Variants in EXPH5 observed in about 807,000 individuals in gnomAD.
EXPH5 encodes exophilin 5.
Under a neutral mutation model 41.1 loss-of-function variants are expected in EXPH5, and 42 were observed. The ratio of observed to expected loss-of-function variants is 1.02; its 90% CI spans 0.80 to 1.32. EXPH5 has a LOEUF of 1.32. Among genes scored for constraint, EXPH5 ranks in the 40% most tolerant of loss-of-function variants. EXPH5 has a pLI of 0.00. For missense variants in EXPH5, 2,298 were observed against 2,314.5 expected (o/e 0.99, Z 0.15); for synonymous variants, 798 against 833.5 (o/e 0.96, Z 0.73).
chr11:108,523,443 G>C (rs1376203475), intron 4 of EXPH5, among the ~76,000 whole-genome samples: 1 of 152,012 alleles, frequency 6.6e-6, no homozygotes, highest in Non-Finnish European at 1.5e-5. Flanking sequence ...TTTCACTAAT[G>C]TACATATCTT....
rs184717575 is a variant in EXPH5, at chr11:108,506,365, C to G, written c.*3172G>C. 3.7e-4 allele frequency: 56 copies of G among 152,176 alleles called. No homozygotes were observed. The highest frequency in any genetic ancestry group is 1.3e-3 in the African/African-American group (55 of 41,518). The allele number at this position is 152,176 out of a possible 1,614,324, so 9.4% of individuals were successfully genotyped here. On this transcript the variant is annotated 3_prime_UTR_variant, in exon 6 of 6. Transcript: ENST00000265843. ...TGTTTTCCTGATACTTCAGCCAGAC[C>G]AACATGCAAACGTTACAAATAGAGC...
intron 5 of EXPH5, among the ~76,000 whole-genome samples, chr11:108,517,288 A>T (rs942038651): frequency 6.6e-6 from 1 of 152,166 alleles, no homozygotes; most frequent in Non-Finnish European, 1.5e-5. Context: ...TTTTCATTCC[A>T]TAAACAGTAG....
intron 1 of EXPH5, among the ~76,000 whole-genome samples, chr11:108,585,577 C>A (rs926572438): frequency 2.0e-5 from 3 of 152,210 alleles, no homozygotes; most frequent in African/African-American, 7.2e-5. Flanking sequence ...CAATAGATTT[C>A]TGCTCTTTAT....
In EXPH5 at chr11:108,506,264, G is replaced by A. The variant is rs1394760569; in HGVS notation, c.*3273C>T. 1 of 152,104 alleles carries A rather than the reference G, an allele frequency of 6.6e-6. No homozygotes were observed. Among genetic ancestry groups the A allele is most frequent in the African/African-American group, 2.4e-5 (1 of 41,436 alleles). 9.4% of individuals were successfully genotyped at this position (152,104 alleles called of 1,614,324 possible). A position where few individuals can be genotyped will look rare whatever the true frequency, so the allele number is the denominator to read the frequency against. ...AGCGACTTGTATGTTAAAATACATAGAAATTTGCTATACTTCTTTAACAAG... is the reference window on the plus strand; with the variant it reads ...AGCGACTTGTATGTTAAAATACATAAAAATTTGCTATACTTCTTTAACAAG... On this transcript the variant is annotated 3_prime_UTR_variant, in exon 6 of 6. Coordinates refer to ENST00000265843, the MANE Select transcript of EXPH5 (RefSeq NM_015065.3).
intron 1 of EXPH5, among the ~76,000 whole-genome samples, chr11:108,547,692 ATCTT>A (rs2093944605): frequency 1.3e-5 from 2 of 151,940 alleles, no homozygotes; most frequent in Non-Finnish European, 2.9e-5. Flanking sequence ...ATTTTTAAGA[ATCTT>A]TCTTTGTTTA....
At chr11:108,590,251 T>A (rs1465867178) in intron 1 of EXPH5, among the ~76,000 whole-genome samples, 1 of 152,196 alleles carries the variant, frequency 6.6e-6, no homozygotes. Flanking sequence ...AGGGGCAGCA[T>A]GGTATCTCAA....
rs577224198 is a variant in EXPH5, at chr11:108,511,897, C to T, written c.3610G>A (p.Ala1204Thr). 6.3e-7 allele frequency: 1 copy of T among 1,590,544 alleles called. No homozygotes were observed. The highest frequency in any genetic ancestry group is 2.2e-5 in the East Asian group (1 of 44,818). ...KMAASRRSVF[A>T]LSNEDPLPFC... ...GGTAAAGGGTCTTCATTTGAAAGAG[C>T]AAATACACTTCTCCTGGAGGCAGCC... The change falls in exon 6 of 6, where the codon GCT (alanine) becomes ACT (threonine). Residue 1204 changes from alanine (A) to threonine (T), a missense_variant. Transcript: ENST00000265843.
chr11:108,597,329 G>C (rs1893068), upstream of EXPH5, among the ~76,000 whole-genome samples: 121,206 of 152,172 alleles, frequency 0.8, 50,055 homozygotes, highest in Non-Finnish European at 0.91. Flanking sequence ...TCCCAATTAG[G>C]TGGGATTACA....
chr11:108,575,062 A>T (rs78140492), intron 1 of EXPH5, among the ~76,000 whole-genome samples: 4 of 152,250 alleles, frequency 2.6e-5, no homozygotes, highest in Non-Finnish European at 5.9e-5. Context: ...TGTGACCAGA[A>T]GCTTTCTGGA....
intron 1 of EXPH5, among the ~76,000 whole-genome samples, chr11:108,545,821 T>G (rs1314577387): frequency 3.9e-5 from 6 of 151,964 alleles, no homozygotes; most frequent in Admixed American, 3.9e-4. Context: ...GAGGATCCCT[T>G]GAGCCCAGGA....
At chr11:108,532,181 ATT>A (rs553845370) in intron 3 of EXPH5, among the ~76,000 whole-genome samples, 10 of 137,590 alleles carry the variant, frequency 7.3e-5, no homozygotes, top group Admixed American at 1.5e-4. Context: ...GCCATAGAGA[ATT>A]TTTTTTTTTT....
At chr11:108,514,960 A>G in intron 5 of EXPH5, 85 bp from the exon 6 acceptor site, 1 of 730,968 alleles carries the variant, frequency 1.4e-6, no homozygotes, top group Non-Finnish European at 2.0e-6. Context: ...CCTTTTCAAG[A>G]AACATAATCA....
upstream of EXPH5, among the ~76,000 whole-genome samples, chr11:108,595,461 A>G (rs989785466): frequency 3.9e-5 from 6 of 152,224 alleles, no homozygotes; most frequent in Non-Finnish European, 8.8e-5. Context: ...CGTGCTGAAT[A>G]GCAGAAGTAC....
chr11:108,605,173 G>C, the EXPH5 span, among the ~76,000 whole-genome samples: 4 of 152,230 alleles, frequency 2.6e-5, no homozygotes, highest in South Asian at 2.1e-4. Context: ...ACCTTGAAAG[G>C]GTGCCTCAAG....
rs2093662388 is a variant in EXPH5 at position 108,509,553 on chromosome 11, T to C, written c.5954A>G (p.Lys1985Arg). ...GAAAAAGCCTCACAGTTCTGACTCT[T>C]TGTCATTTTCATCCAGGTAGTATTC... is the stretch of plus-strand genomic sequence containing the variant. ...DDEYYLDEND[K>R]ESEL is the part of the protein sequence containing the mutation. Residue 1985 changes from lysine to arginine, a missense_variant, in exon 6 of 6, where the codon AAA becomes AGA. Lys to Arg is a conservative substitution (Grantham distance 26). Transcript: ENST00000265843. 1.9e-6 allele frequency: 3 copies of C among 1,556,468 alleles called. No individual in the cohort carries two copies. Among genetic ancestry groups the C allele is most frequent in the South Asian group, 1.3e-5 (1 of 79,624 alleles).
At chr11:108,576,369 AC>A (rs1331227210) in intron 1 of EXPH5, among the ~76,000 whole-genome samples, 1 of 152,134 alleles carries the variant, frequency 6.6e-6, no homozygotes, top group Admixed American at 6.5e-5. Flanking sequence ...GTATAGGTAA[AC>A]CCATGGTTGC....
chr11:108,518,128 A>G, intron 5 of EXPH5, 107 bp downstream of exon 5: 1 of 1,013,920 alleles, frequency 9.9e-7, no homozygotes, highest in South Asian at 1.7e-5. Flanking sequence ...GATGTAAAAA[A>G]TAAAGTACAG....
intron 1 of EXPH5, among the ~76,000 whole-genome samples, chr11:108,569,011 G>A (rs547663415): frequency 6.6e-6 from 1 of 152,168 alleles, no homozygotes; most frequent in East Asian, 1.9e-4. Flanking sequence ...TCAGCACACA[G>A]GTCCACGTCC....
rs752649664 is a variant in EXPH5, at chr11:108,511,842, C to A, written c.3665G>T (p.Arg1222Leu). ...PFCSDLSGKE[R>L]GKTLHKVKTT... ...CTTAACTTTATGTAATGTTTTCCCA[C>A]GTTCTTTTCCTGACAAGTCTGAGCA... The change falls in exon 6 of 6, where the codon CGT (arginine) becomes CTT (leucine). Residue 1222 changes from arginine to leucine, a missense_variant. Arg to Leu is a moderately radical substitution (Grantham distance 102). Transcript: ENST00000265843. 1 of 1,591,360 alleles carries A rather than the reference C, an allele frequency of 6.3e-7. No individual in the cohort carries two copies. Among genetic ancestry groups the A allele is most frequent in the African/African-American group, 1.4e-5 (1 of 73,452 alleles).
Sources: allele counts gnomAD v4.1 joint callset (sites outside exome capture counted in the v4.1 genomes callset), GRCh38; gene constraint gnomAD v4.1.1; transcripts MANE v1.5; gene names NCBI Gene and HGNC (gene_info 2026-07-23, HGNC 2026-07-21).